The following WDR97 variants were observed in gnomAD, a reference collection of about 807,000 sequenced individuals.
WDR97 encodes the protein WD repeat domain 97.
WDR97 carries 111 observed loss-of-function variants against 65.4 expected under a neutral mutation model. That is an observed-to-expected ratio of 1.70 (90% CI 1.45 to 1.99). The LOEUF (loss-of-function observed/expected upper bound fraction) is 1.99. WDR97 is among the 30% of genes most tolerant of loss of function. The pLI is 0.00. For synonymous variants in WDR97, 802 were observed against 397.7 expected, an observed-to-expected ratio of 2.02 and a Z score of -12.10; for missense variants, 1,674 against 865.0, an observed-to-expected ratio of 1.94 and a Z score of -11.73.
rs1010272017 is a variant in WDR97, at chr8:144,114,357, G to A, written c.3674G>A (p.Arg1225His). 4.6e-5 allele frequency: 32 copies of A among 702,660 alleles called. No homozygotes were observed. The highest frequency in any genetic ancestry group is 3.3e-4 in the African/African-American group (19 of 57,232). The allele number at this position is 702,660 out of a possible 1,614,324, so 43.5% of individuals were successfully genotyped here. Residue 1225 changes from arginine (R) to histidine (H), a missense_variant, in exon 19 of 24, where the codon CGT becomes CAT. Physicochemically the swap from Arg to His is conservative, Grantham distance 29. Coordinates refer to ENST00000323662, the MANE Select transcript of WDR97 (RefSeq NM_001316309.2). The part of the protein sequence containing the change: ...ALLEKTTWVD[R>H]VHILQVLLRL... ...CTGGAGAAGACCACGTGGGTCGACC[G>A]TGTGCACATCCTGCAGGTGCTACTG...
At chr8:144,111,379 AC>A (rs745786490) in intron 10 of WDR97, 46 bp from the exon 11 acceptor site, 3 of 702,634 alleles carry the variant, frequency 4.3e-6, no homozygotes, top group Middle Eastern at 4.6e-4. Flanking sequence ...GCCCCAGCCC[AC>A]TGGCATGCCA....
rs1314543219 is a variant in WDR97, at chr8:144,114,825, TG to T, written c.3994del (p.Val1332SerfsTer23). On this transcript the variant is annotated frameshift_variant, in exon 21 of 24. Transcript: ENST00000323662. LOFTEE classifies it high-confidence loss of function. ...EGFLFKEMMT[W>X]VQGPDLDSKA... ...CTTCCTATTCAAGGAGATGATGACC[TG>T]GGTCCAGGGCCCAGACCTGGACTCC... 3 of 702,634 alleles carry T rather than the reference TG, an allele frequency of 4.3e-6. No individual in the cohort carries two copies. The highest frequency in any genetic ancestry group is 1.5e-5 in the South Asian group (1 of 67,602). The allele number at this position is 702,634 out of a possible 1,614,324, so 43.5% of individuals were successfully genotyped here.
Position 144,110,203 on chromosome 8 carries a change from G to A in WDR97, c.1790G>A (p.Ser597Asn). Reference sequence around the variant, plus strand: ...ACTGTCTTCCAAACGGAGGCGCACAGCCCGGGCCCGGTTGTCGCCATCGCA... The same window carrying A: ...ACTGTCTTCCAAACGGAGGCGCACAACCCGGGCCCGGTTGTCGCCATCGCA... ...SKTVFQTEAH[S>N]PGPVVAIAST... Residue 597 changes from serine to asparagine, a missense_variant, in exon 6 of 24, where the codon AGC (serine) becomes AAC (asparagine). Transcript: ENST00000323662. 1 of 702,954 alleles carries A rather than the reference G, an allele frequency of 1.4e-6. No individual in the cohort carries two copies. The highest frequency in any genetic ancestry group is 2.6e-6 in the Non-Finnish European group (1 of 384,968). The allele number at this position is 702,954 out of a possible 1,614,324, so 43.5% of individuals were successfully genotyped here.
chr8:144,115,793 C>A lies in WDR97; in HGVS notation c.4530C>A (p.His1510Gln). The A allele has an allele frequency of 1.4e-6, 1 of 692,572 alleles. No homozygotes were observed. Among genetic ancestry groups the A allele is most frequent in the Non-Finnish European group, 2.6e-6 (1 of 379,050 alleles). The allele number at this position is 692,572 out of a possible 1,614,324, so 42.9% of individuals were successfully genotyped here. A position where few individuals can be genotyped will look rare whatever the true frequency, so the allele number is the denominator to read the frequency against. ...SSLQEKAAHP[H>Q]PPEPYTVAPV... Reference sequence around the variant, plus strand: ...TCCAGGAGAAGGCTGCGCACCCACACCCGCCAGAGCCCTACACGGTGGCGC... The same window carrying A: ...TCCAGGAGAAGGCTGCGCACCCACAACCGCCAGAGCCCTACACGGTGGCGC... Residue 1510 changes from histidine (H) to glutamine (Q), a missense_variant, in exon 22 of 24, where the codon CAC becomes CAA. Transcript: ENST00000323662.
In WDR97 at chr8:144,116,783, G is replaced by C. The variant is rs1318676237; in HGVS notation, c.*490G>C. On this transcript the variant is annotated 3_prime_UTR_variant, in exon 24 of 24. Transcript: ENST00000323662. Reference sequence around the variant, plus strand: ...GTTACTTTTATTCTGGCAAAGAGAAGAATTGACAAAGGCACCAGGAGCTTT... The same window carrying C: ...GTTACTTTTATTCTGGCAAAGAGAACAATTGACAAAGGCACCAGGAGCTTT... The C allele has an allele frequency of 6.5e-6, 1 of 152,928 alleles. No individual in the cohort carries two copies. Among genetic ancestry groups the C allele is most frequent in the African/African-American group, 2.4e-5 (1 of 41,504 alleles). 9.5% of individuals were successfully genotyped at this position (152,928 alleles called of 1,614,324 possible). A position where few individuals can be genotyped will look rare whatever the true frequency, so the allele number is the denominator to read the frequency against.
chr8:144,114,329 C>T lies in WDR97; in HGVS notation c.3646C>T (p.Leu1216=), dbSNP rs1184965806. ...IEGLASLLVA[L]LEKTTWVDRV... Reference sequence around the variant, plus strand: ...GGGCCTGGCCTCGCTGTTGGTGGCCCTGCTGGAGAAGACCACGTGGGTCGA... The same window carrying T: ...GGGCCTGGCCTCGCTGTTGGTGGCCTTGCTGGAGAAGACCACGTGGGTCGA... The change falls in exon 19 of 24, where the codon CTG becomes TTG. Residue 1216 remains leucine (L), a synonymous_variant. Transcript: ENST00000323662. 1 of 702,716 alleles carries T rather than the reference C, an allele frequency of 1.4e-6. No homozygotes were observed. The highest frequency in any genetic ancestry group is 1.5e-5 in the South Asian group (1 of 67,606). The allele number at this position is 702,716 out of a possible 1,614,324, so 43.5% of individuals were successfully genotyped here.
chr8:144,117,676 C>A lies in WDR97; in HGVS notation c.*1383C>A. 6.5e-6 allele frequency: 1 copy of A among 152,860 alleles called. No individual in the cohort carries two copies. 9.5% of individuals were successfully genotyped at this position (152,860 alleles called of 1,614,324 possible). On this transcript the variant is annotated 3_prime_UTR_variant, in exon 24 of 24. Coordinates refer to ENST00000323662, the MANE Select transcript of WDR97 (RefSeq NM_001316309.2). ...TGTTGCCCAGGCTGGAGTGCAATGG[C>A]GTGATCTCGGCTCACTGCAACCTCT...
intron 4 of WDR97, 58 bp downstream of exon 4, chr8:144,109,228 T>C (rs1253807965): frequency 1.3e-5 from 9 of 701,658 alleles, no homozygotes; most frequent in Admixed American, 1.0e-4. Flanking sequence ...CGCTCTAGGC[T>C]GTCCAGCATC....
chr8:144,110,431 C>T lies in WDR97; in HGVS notation c.1934C>T (p.Ala645Val). The part of the protein sequence containing the change: ...LLRTFSCCYP[A>V]VALCALGRRV... ...CGCACCTTCTCCTGCTGCTACCCGG[C>T]CGTGGCGCTCTGTGCGCTAGGCAGA... The change falls in exon 7 of 24, where the codon GCC (alanine) becomes GTC (valine). Residue 645 changes from alanine to valine, a missense_variant. Physicochemically the swap from Ala to Val is moderately conservative, Grantham distance 64. Coordinates refer to ENST00000323662, the MANE Select transcript of WDR97 (RefSeq NM_001316309.2). 1.4e-6 allele frequency: 1 copy of T among 703,054 alleles called. No homozygotes were observed. The allele number at this position is 703,054 out of a possible 1,614,324, so 43.6% of individuals were successfully genotyped here. A position where few individuals can be genotyped will look rare whatever the true frequency, so the allele number is the denominator to read the frequency against.
chr8:144,115,816 C>CGCCGGTGCCCGACATGGTGGT lies in WDR97; in HGVS notation c.4557_4577dup (p.Val1520_Pro1526dup), dbSNP rs1324420851. ...CACCCGCCAGAGCCCTACACGGTGGCGCCGGTGCCCGACATGGTGGTGCCA... is the reference window on the plus strand; with the variant it reads ...CACCCGCCAGAGCCCTACACGGTGGCGCCGGTGCCCGACATGGTGGTGCCGGTGCCCGACATGGTGGTGCCA... On this transcript the variant is annotated inframe_insertion, in exon 22 of 24. Transcript: ENST00000323662. 3 of 687,540 alleles carry CGCCGGTGCCCGACATGGTGGT rather than the reference C, an allele frequency of 4.4e-6. No homozygotes were observed. Among genetic ancestry groups the CGCCGGTGCCCGACATGGTGGT allele is most frequent in the East Asian group, 5.4e-5 (2 of 36,962 alleles). The allele number at this position is 687,540 out of a possible 1,614,324, so 42.6% of individuals were successfully genotyped here.
chr8:144,109,441 C>T lies in WDR97; in HGVS notation c.1107C>T (p.Gly369=), dbSNP rs1836493062. The change falls in exon 5 of 24, where the codon GGC becomes GGT. Residue 369 remains glycine (G), a synonymous_variant. Transcript: ENST00000323662. ...ACCTGCAGGCGGCGGCGCAGGTGGG[C>T]GAGGTAGCGCTGGGCTTCTGGGGCC... The part of the protein sequence containing the change: ...TWDLQAAAQV[G]EVALGFWGQD... 1 of 701,502 alleles carries T rather than the reference C, an allele frequency of 1.4e-6. No individual in the cohort carries two copies. The highest frequency in any genetic ancestry group is 2.6e-6 in the Non-Finnish European group (1 of 384,406). 43.5% of individuals were successfully genotyped at this position (701,502 alleles called of 1,614,324 possible).
At position 144,109,772 on chromosome 8, in the gene WDR97, G is replaced by T; in HGVS notation, c.1438G>T (p.Val480Leu). The part of the protein sequence containing the change: ...LLEPEDCAAA[V>L]AYCLPREALW... Reference sequence around the variant, plus strand: ...GGAGCCGGAGGACTGCGCGGCAGCCGTGGCCTACTGCCTGCCGCGCGAGGC... The same window carrying T: ...GGAGCCGGAGGACTGCGCGGCAGCCTTGGCCTACTGCCTGCCGCGCGAGGC... Residue 480 changes from valine to leucine, a missense_variant, in exon 5 of 24, where the codon GTG (valine) becomes TTG (leucine). Val to Leu is a conservative substitution (Grantham distance 32). Transcript: ENST00000323662. 1 of 674,318 alleles carries T rather than the reference G, an allele frequency of 1.5e-6. No individual in the cohort carries two copies. The highest frequency in any genetic ancestry group is 1.5e-5 in the South Asian group (1 of 64,540). 41.8% of individuals were successfully genotyped at this position (674,318 alleles called of 1,614,324 possible).
chr8:144,107,872 C>T lies in WDR97; in HGVS notation c.112+10C>T, dbSNP rs750823163. 3 of 702,698 alleles carry T rather than the reference C, an allele frequency of 4.3e-6. No individual in the cohort carries two copies. In the African/African-American group the frequency reaches 5.2e-5, roughly 12 times the overall value. 43.5% of individuals were successfully genotyped at this position (702,698 alleles called of 1,614,324 possible). A position where few individuals can be genotyped will look rare whatever the true frequency, so the allele number is the denominator to read the frequency against. The stretch of plus-strand genomic sequence containing the variant: ...CTCACCGAAAAGAATGGTGAGGGGG[C>T]CTGGCCTCGCCCTCCGGGCATCCCG... On this transcript the variant is annotated intron_variant, in intron 1 of 23. Transcript: ENST00000323662.
rs1214367187 is a variant in WDR97 at position 144,108,363 on chromosome 8, A to G, written c.297A>G (p.Glu99=). 1 of 697,004 alleles carries G rather than the reference A, an allele frequency of 1.4e-6. No individual in the cohort carries two copies. The highest frequency in any genetic ancestry group is 2.7e-5 in the East Asian group (1 of 37,186). 43.2% of individuals were successfully genotyped at this position (697,004 alleles called of 1,614,324 possible). A position where few individuals can be genotyped will look rare whatever the true frequency, so the allele number is the denominator to read the frequency against. ...CGGCGCGCCTGACGCATGGGCTGGA[A>G]CCACTGCGCCGCCTGGAGGTGGCAG... is the stretch of plus-strand genomic sequence containing the variant. ...LRAARLTHGL[E]PLRRLEVAAG... Residue 99 remains glutamate (E), a synonymous_variant, in exon 3 of 24, where the codon GAA becomes GAG. Transcript: ENST00000323662.
At chr8:144,111,363 G>T in intron 10 of WDR97, 63 bp from the exon 11 acceptor site, 1 of 702,784 alleles carries the variant, frequency 1.4e-6, no homozygotes, top group South Asian at 1.5e-5. Context: ...CCTTGTCCCA[G>T]CCTCTGCCCC....
chr8:144,108,546 G>T lies in WDR97; in HGVS notation c.480G>T (p.Leu160=). Residue 160 remains leucine, a synonymous_variant, in exon 3 of 24, where the codon CTG becomes CTT. Coordinates refer to ENST00000323662, the MANE Select transcript of WDR97 (RefSeq NM_001316309.2). ...GGCTGGTGACCGTGCTGGGCCCGCT[G>T]GGTGCCGTGGGCCGTTTTGTAGGCT... ...LTGLVTVLGP[L]GAVGRFVGWG... 1.4e-6 allele frequency: 1 copy of T among 700,974 alleles called. No individual in the cohort carries two copies. The highest frequency in any genetic ancestry group is 1.5e-5 in the South Asian group (1 of 67,502). 43.4% of individuals were successfully genotyped at this position (700,974 alleles called of 1,614,324 possible).
In WDR97 at chr8:144,110,845, G is replaced by T. The variant is rs1204702468; in HGVS notation, c.2172-19G>T. Reference sequence around the variant, plus strand: ...GCCTTGTCCCTGCTGAGCCTCGGCTGCCCTGGGTGCCTCTCCAGGCTCCTG... The same window carrying T: ...GCCTTGTCCCTGCTGAGCCTCGGCTTCCCTGGGTGCCTCTCCAGGCTCCTG... On this transcript the variant is annotated intron_variant, in intron 8 of 23. Coordinates refer to ENST00000323662, the MANE Select transcript of WDR97 (RefSeq NM_001316309.2). The T allele has an allele frequency of 1.4e-6, 1 of 702,750 alleles. No homozygotes were observed. The highest frequency in any genetic ancestry group is 2.6e-6 in the Non-Finnish European group (1 of 384,882). 43.5% of individuals were successfully genotyped at this position (702,750 alleles called of 1,614,324 possible).
Position 144,115,701 on chromosome 8 carries a change from G to T in WDR97, c.4438G>T (p.Asp1480Tyr), listed in dbSNP as rs1216050545. Reference protein sequence around the residue: ...ETDWSHSQLLDLGPIDALNFF... With the variant: ...ETDWSHSQLLYLGPIDALNFF... ...CGACTGGTCGCACTCGCAGCTGCTG[G>T]ACTTGGGCCCCATCGACGCGCTCAA... The change falls in exon 22 of 24, where the codon GAC (aspartate) becomes TAC (tyrosine). Residue 1480 changes from aspartate (D) to tyrosine (Y), a missense_variant. Asp to Tyr is a radical substitution (Grantham distance 160). Transcript: ENST00000323662. The T allele has an allele frequency of 1.4e-6, 1 of 701,434 alleles. No homozygotes were observed. Among genetic ancestry groups the T allele is most frequent in the Non-Finnish European group, 2.6e-6 (1 of 384,404 alleles). The allele number at this position is 701,434 out of a possible 1,614,324, so 43.5% of individuals were successfully genotyped here. A position where few individuals can be genotyped will look rare whatever the true frequency, so the allele number is the denominator to read the frequency against.
At position 144,111,656 on chromosome 8, in the gene WDR97, G is replaced by A; in HGVS notation, c.2512G>A (p.Asp838Asn). The A allele has an allele frequency of 1.4e-6, 1 of 696,294 alleles. No individual in the cohort carries two copies. The highest frequency in any genetic ancestry group is 2.6e-6 in the Non-Finnish European group (1 of 381,132). The allele number at this position is 696,294 out of a possible 1,614,324, so 43.1% of individuals were successfully genotyped here. Reference sequence around the variant, plus strand: ...GGACTTGGACGCCATAGTGGCCCGGGACCGAGACCTTCAGCAGTTGAGGCT... The same window carrying A: ...GGACTTGGACGCCATAGTGGCCCGGAACCGAGACCTTCAGCAGTTGAGGCT... ...KEDLDAIVARDRDLQQLRLGL... is the reference protein window; with the variant it reads ...KEDLDAIVARNRDLQQLRLGL... The change falls in exon 12 of 24, where the codon GAC becomes AAC. Residue 838 changes from aspartate to asparagine, a missense_variant. Transcript: ENST00000323662.
Sources: gnomAD v4.1 joint callset for allele counts on GRCh38, gnomAD v4.1.1 for gene constraint, MANE v1.5 for transcripts, NCBI Gene and HGNC (gene_info 2026-07-23, HGNC 2026-07-21) for gene names.